The following P2RX4 variants were observed in gnomAD, a reference collection of about 807,000 sequenced individuals.
P2RX4 encodes the protein purinergic receptor P2X 4.
A neutral mutation model predicts 48.0 loss-of-function variants in P2RX4; 37 were observed. The observed-to-expected ratio is 0.77, with a 90% CI of 0.59 to 1.01. The LOEUF (loss-of-function observed/expected upper bound fraction) is 1.01. P2RX4 is among the 50% of genes least tolerant of loss of function. P2RX4 has a pLI of 0.00. For missense variants in P2RX4, 501 were observed against 521.4 expected, an observed-to-expected ratio of 0.96 and a Z score of 0.38; for synonymous variants, 200 against 199.7, an observed-to-expected ratio of 1.00 and a Z score of -0.01.
At chr12:121,224,893 A>G (rs1262757979) in intron 5 of P2RX4, among the ~76,000 whole-genome samples, 1 of 152,062 alleles carries the variant, frequency 6.6e-6, no homozygotes, top group Non-Finnish European at 1.5e-5. Flanking sequence ...TTGCTAAGGC[A>G]AAGGAAGGAG....
chr12:121,228,440 CATATATATATGTGTGTAT>C, intron 5 of P2RX4, 75 bp from the exon 6 acceptor site: 1 of 559,982 alleles, frequency 1.8e-6, no homozygotes, highest in Non-Finnish European at 3.1e-6. Flanking sequence ...ACACACAATA[CATATATATATGTGTGTAT>C]ATATATATAT....
At chr12:121,211,108 C>T (rs1885810343) in intron 1 of P2RX4, among the ~76,000 whole-genome samples, 1 of 152,234 alleles carries the variant, frequency 6.6e-6, no homozygotes, top group Non-Finnish European at 1.5e-5. Context: ...CCTAGTCAGT[C>T]ATTCCCCATG....
intron 2 of P2RX4, among the ~76,000 whole-genome samples, chr12:121,219,753 T>C (rs1008129643): frequency 1.3e-5 from 2 of 151,628 alleles, no homozygotes; most frequent in Non-Finnish European, 2.9e-5. Context: ...ATAGGATAGA[T>C]GACAGATGAT....
At chr12:121,219,828 T>TTAGATAGA (rs3838806) in intron 2 of P2RX4, among the ~76,000 whole-genome samples, 7,161 of 150,308 alleles carry the variant, frequency 0.048, 184 homozygotes, top group South Asian at 0.094. Context: ...ATAGGATAGA[T>TTAGATAGA]TAGATAGATA....
At position 121,222,643 on chromosome 12, in the gene P2RX4, C is replaced by T; in HGVS notation, c.428-304C>T. 5.1e-6 allele frequency: 4 copies of T among 777,568 alleles called. No homozygotes were observed. In the South Asian group the frequency reaches 5.7e-5, roughly 11 times the overall value. 48.2% of individuals were successfully genotyped at this position (777,568 alleles called of 1,614,324 possible). ...GCCAGGCTGGTCTCGAACTCCTGAC[C>T]TCAGGTGATCCACCCGCCTCAGCCT... On this transcript the variant is annotated intron_variant, in intron 4 of 11. Transcript: ENST00000337233.
intron 1 of P2RX4, chr12:121,212,824 A>ATATATATATAT (rs370835501): frequency 2.1e-3 from 68 of 32,240 alleles, no homozygotes; most frequent in Non-Finnish European, 2.9e-3. Flanking sequence ...ATATATATAT[A>ATATATATATAT]TTTTTTTTTT....
intron 1 of P2RX4, chr12:121,212,824 A>ATATATATTT (rs370835501): frequency 1.5e-4 from 5 of 32,262 alleles, no homozygotes; most frequent in Non-Finnish European, 2.4e-4. Context: ...ATATATATAT[A>ATATATATTT]TTTTTTTTTT....
At chr12:121,230,665 GA>G (rs1196209041) in intron 8 of P2RX4, among the ~76,000 whole-genome samples, 3 of 152,184 alleles carry the variant, frequency 2.0e-5, no homozygotes, top group African/African-American at 7.2e-5. Context: ...CCCTAAAACG[GA>G]AAGAACTCAG....
At chr12:121,233,387 G>C in intron 11 of P2RX4, 136 bp from the exon 12 acceptor site, 1 of 879,780 alleles carries the variant, frequency 1.1e-6, no homozygotes, top group Admixed American at 2.0e-5. Flanking sequence ...GCACCTTGCG[G>C]AACAGGAAGG....
intron 1 of P2RX4, 139 bp downstream of exon 1, chr12:121,210,437 C>G: frequency 1.2e-6 from 1 of 831,264 alleles, no homozygotes; most frequent in Non-Finnish European, 1.6e-6. Context: ...TGGGCCCCAG[C>G]CGCCGCGCCG....
chr12:121,231,895 C>T (rs1024794136), intron 8 of P2RX4, among the ~76,000 whole-genome samples: 5 of 150,920 alleles, frequency 3.3e-5, no homozygotes, highest in African/African-American at 1.2e-4. Context: ...GTCCCAGCTA[C>T]TCGGGAGGCT....
chr12:121,226,785 A>G (rs1034362056), intron 5 of P2RX4, among the ~76,000 whole-genome samples: 4 of 152,036 alleles, frequency 2.6e-5, no homozygotes, highest in African/African-American at 9.7e-5. Context: ...CCCCTGTTGT[A>G]AGCCATCCCT....
At chr12:121,219,626 T>C (rs1237368334) in intron 2 of P2RX4, among the ~76,000 whole-genome samples, 2 of 94,672 alleles carry the variant, frequency 2.1e-5, no homozygotes, top group African/African-American at 7.9e-5. Flanking sequence ...GATAGATAGA[T>C]AGATAGATAG....
In P2RX4 at chr12:121,234,006, C is replaced by T. The variant is rs190679622; in HGVS notation, c.*457C>T. 14 of 202,070 alleles carry T rather than the reference C, an allele frequency of 6.9e-5. No individual in the cohort carries two copies. In the South Asian group the frequency reaches 7.8e-4, roughly 11 times the overall value. 12.5% of individuals were successfully genotyped at this position (202,070 alleles called of 1,614,324 possible). On this transcript the variant is annotated 3_prime_UTR_variant, in exon 12 of 12. Transcript: ENST00000337233. ...CAGGCCTGGGCTGCAGGCTTCCCCC[C>T]GACCATTCCCTGCAGCCATGCGGCA...
chr12:121,217,233 A>G lies in P2RX4; in HGVS notation c.234A>G (p.Lys78=). ...VKGVAVTNTS[K]LGFRIWDVAD... is the part of the protein sequence containing the mutation. ...GCGTGGCTGTGACCAACACTTCTAA[A>G]CTTGGATTCCGGATCTGGGATGTGG... Residue 78 remains lysine, a synonymous_variant, in exon 2 of 12, where the codon AAA becomes AAG. Transcript: ENST00000337233. The G allele has an allele frequency of 6.2e-7, 1 of 1,614,204 alleles. No individual in the cohort carries two copies. Among genetic ancestry groups the G allele is most frequent in the Non-Finnish European group, 8.5e-7 (1 of 1,180,042 alleles).
rs111954915 is a variant in P2RX4, at chr12:121,221,174, G to T, written c.283-739G>T. Among the ~76,000 whole-genome samples, 5 of 91,002 alleles carry T rather than the reference G, an allele frequency of 5.5e-5. 1 individual carries two copies. Among genetic ancestry groups the T allele is most frequent in the African/African-American group, 1.6e-4 (4 of 25,784 alleles). The allele number at this position is 91,002 out of a possible 152,430, so 59.7% of individuals were successfully genotyped here. ...CGTGTGTCTGTGTGTGTTTGTGTGT[G>T]TGTGTGTGTGTGTGTGTGTGTGTTT... is the stretch of plus-strand genomic sequence containing the variant. On this transcript the variant is annotated intron_variant, in intron 2 of 11. Transcript: ENST00000337233.
In P2RX4 at chr12:121,228,569, T is replaced by C. The variant is rs1461116526; in HGVS notation, c.561T>C (p.Leu187=). Residue 187 remains leucine (L), a synonymous_variant, in exon 6 of 12, where the codon CTT becomes CTC. Transcript: ENST00000337233. ...AFLKAAENFT[L]LVKNNIWYPK... is the part of the protein sequence containing the mutation. ...TAAAGGCTGCAGAAAACTTCACTCTTTTGGTTAAGAACAACATCTGGTATC... is the reference window on the plus strand; with the variant it reads ...TAAAGGCTGCAGAAAACTTCACTCTCTTGGTTAAGAACAACATCTGGTATC... 6.2e-7 allele frequency: 1 copy of C among 1,613,584 alleles called. No homozygotes were observed. The highest frequency in any genetic ancestry group is 1.3e-5 in the African/African-American group (1 of 74,910).
At position 121,222,631 on chromosome 12, in the gene P2RX4, C is replaced by T. The variant is rs576932946; in HGVS notation, c.428-316C>T. The T allele has an allele frequency of 1.8e-5, 12 of 660,354 alleles. No individual in the cohort carries two copies. In the African/African-American group the frequency reaches 2.0e-4, roughly 11 times the overall value. The allele number at this position is 660,354 out of a possible 1,614,324, so 40.9% of individuals were successfully genotyped here. A position where few individuals can be genotyped will look rare whatever the true frequency, so the allele number is the denominator to read the frequency against. On this transcript the variant is annotated intron_variant, in intron 4 of 11. Transcript: ENST00000337233. ...TTTACCATGTTGGCCAGGCTGGTCT[C>T]GAACTCCTGACCTCAGGTGATCCAC...
chr12:121,232,931 C>A lies in P2RX4; in HGVS notation c.1045-66C>A. 4 of 1,147,144 alleles carry A rather than the reference C, an allele frequency of 3.5e-6. No individual in the cohort carries two copies. Among genetic ancestry groups the A allele is most frequent in the Non-Finnish European group, 2.6e-6 (2 of 755,724 alleles). The allele number at this position is 1,147,144 out of a possible 1,614,324, so 71.1% of individuals were successfully genotyped here. A position where few individuals can be genotyped will look rare whatever the true frequency, so the allele number is the denominator to read the frequency against. On this transcript the variant is annotated intron_variant, in intron 10 of 11. Transcript: ENST00000337233. The surrounding 1 kb of genome is among the most constrained non-coding windows in gnomAD (Gnocchi z 4.3). ...TCCAGGCTTCTCAGGAAGGGGCACGCAAAGAATAAGATGGGTTGATGGGTT... is the reference window on the plus strand; with the variant it reads ...TCCAGGCTTCTCAGGAAGGGGCACGAAAAGAATAAGATGGGTTGATGGGTT...
Sources: allele counts gnomAD v4.1 joint callset (sites outside exome capture counted in the v4.1 genomes callset), GRCh38; gene constraint gnomAD v4.1.1; non-coding constraint Gnocchi (gnomAD v3.1); transcripts MANE v1.5; gene names NCBI Gene and HGNC (gene_info 2026-07-23, HGNC 2026-07-21).